MMP26: variants seen among roughly 807,000 people sequenced by gnomAD.
MMP26 encodes the protein matrix metallopeptidase 26.
Under a neutral mutation model 31.0 loss-of-function variants are expected in MMP26, and 33 were observed. The ratio of observed to expected loss-of-function variants is 1.06; its 90% confidence interval spans 0.81 to 1.42. MMP26 has a LOEUF of 1.42. Among genes scored for constraint, MMP26 ranks in the 40% most tolerant of loss-of-function variants. MMP26 has a pLI of 0.00. For synonymous variants in MMP26, 122 were observed against 114.9 expected, an observed-to-expected ratio of 1.06 and a Z score of -0.40; for missense variants, 347 against 316.1, an observed-to-expected ratio of 1.10 and a Z score of -0.74.
chr11:4,867,084 G>A (rs1850245394), intron 2 of MMP26, among the ~76,000 whole-genome samples: 1 of 151,932 alleles, frequency 6.6e-6, no homozygotes, highest in African/African-American at 2.4e-5. Context: ...CTGACCAATG[G>A]GAAATAATTA....
intron 2 of MMP26, among the ~76,000 whole-genome samples, chr11:4,796,136 G>C (rs1439112209): frequency 6.6e-6 from 1 of 152,176 alleles, no homozygotes; most frequent in Admixed American, 6.5e-5. Flanking sequence ...GGGAAAAGTA[G>C]AGCCTGTCTG....
At position 4,848,376 on chromosome 11, in the gene MMP26, T is replaced by C. The variant is rs138651833; in HGVS notation, c.-145+81035T>C. On this transcript the variant is annotated intron_variant, in intron 2 of 7. Transcript: ENST00000380390. ...GACATAGGATAGAAGAGTATGGGTA[T>C]GCTGAGTGATTGGCAGCTCAGGATG... is the stretch of plus-strand genomic sequence containing the variant. 6.9e-5 allele frequency: 112 copies of C among 1,613,992 alleles called. No individual in the cohort carries two copies. Among genetic ancestry groups the C allele is most frequent in the Admixed American group, 1.8e-4 (11 of 60,000 alleles).
At chr11:4,836,811 C>A (rs912926192) in intron 2 of MMP26, among the ~76,000 whole-genome samples, 26 of 151,468 alleles carry the variant, frequency 1.7e-4, no homozygotes, top group African/African-American at 6.1e-4. Context: ...AGGTGTGCAC[C>A]ACCATGCCCA....
intron 1 of MMP26, among the ~76,000 whole-genome samples, chr11:4,735,481 A>G (rs1392642940): frequency 6.6e-6 from 1 of 152,162 alleles, no homozygotes; most frequent in African/African-American, 2.4e-5. Context: ...CCCTTACCTT[A>G]TAGCTCAAAC....
intron 2 of MMP26, chr11:4,912,756 A>T (rs1851010440): frequency 6.6e-6 from 1 of 152,146 alleles, no homozygotes; most frequent in African/African-American, 2.4e-5. Flanking sequence ...CTCTTATTGT[A>T]ATTTTCCTTT....
intron 2 of MMP26, among the ~76,000 whole-genome samples, chr11:4,963,913 T>C (rs148606461): frequency 4.7e-4 from 71 of 152,312 alleles, no homozygotes; most frequent in African/African-American, 1.6e-3. Context: ...GTATGTCTTC[T>C]TTTGAGAAGT....
intron 2 of MMP26, among the ~76,000 whole-genome samples, chr11:4,842,002 T>G (rs1191542699): frequency 6.6e-6 from 1 of 152,150 alleles, no homozygotes; most frequent in Non-Finnish European, 1.5e-5. Flanking sequence ...AAGGTAGTAA[T>G]ACAAAAGTCA....
At chr11:4,962,142 C>T (rs1846530241) in intron 2 of MMP26, among the ~76,000 whole-genome samples, 2 of 152,198 alleles carry the variant, frequency 1.3e-5, no homozygotes, top group Non-Finnish European at 2.9e-5. Flanking sequence ...GTGGAAGCAG[C>T]GGCAACTCAG....
intron 2 of MMP26, among the ~76,000 whole-genome samples, chr11:4,850,812 G>A (rs928864747): frequency 2.0e-5 from 3 of 149,964 alleles, no homozygotes; most frequent in African/African-American, 7.4e-5. Flanking sequence ...GCAATAAATA[G>A]AAACAGACAT....
At chr11:4,742,796 G>A (rs893211376) in intron 1 of MMP26, among the ~76,000 whole-genome samples, 7 of 152,080 alleles carry the variant, frequency 4.6e-5, no homozygotes, top group Non-Finnish European at 4.4e-5. Flanking sequence ...TACTTTGCAA[G>A]GTAGTTGAAA....
At chr11:4,859,615 C>A (rs912127653) in intron 2 of MMP26, 1 of 436,110 alleles carries the variant, frequency 2.3e-6, no homozygotes, top group Non-Finnish European at 4.8e-6. Context: ...TTCTACTAGA[C>A]CCTATTTTTT....
intron 2 of MMP26, among the ~76,000 whole-genome samples, chr11:4,802,567 A>G (rs1849197924): frequency 6.6e-6 from 1 of 152,206 alleles, no homozygotes; most frequent in Non-Finnish European, 1.5e-5. Context: ...TCTTGTGATA[A>G]GTACTAGGTG....
chr11:4,803,647 G>C, intron 2 of MMP26: 1 of 1,613,888 alleles, frequency 6.2e-7, no homozygotes, highest in Non-Finnish European at 8.5e-7. Context: ...GATATGGGAG[G>C]AACGTGTGCT....
At chr11:4,945,024 A>T (rs1449203283) in intron 2 of MMP26, 2 of 152,268 alleles carry the variant, frequency 1.3e-5, no homozygotes, top group Middle Eastern at 3.4e-3. Flanking sequence ...GGTCTCTTCA[A>T]TCACTTATAG....
At chr11:4,768,120 G>C (rs1848655553) in intron 2 of MMP26, among the ~76,000 whole-genome samples, 1 of 152,098 alleles carries the variant, frequency 6.6e-6, no homozygotes, top group African/African-American at 2.4e-5. Context: ...TTTATCTATG[G>C]GGAAAGGTCC....
chr11:4,935,302 A>G (rs1377810209), intron 2 of MMP26, among the ~76,000 whole-genome samples: 1 of 151,410 alleles, frequency 6.6e-6, no homozygotes. Context: ...ATCCCTTGTA[A>G]GTTGGATTCC....
At chr11:4,788,027 T>C (rs1191037863) in intron 2 of MMP26, among the ~76,000 whole-genome samples, 1 of 152,190 alleles carries the variant, frequency 6.6e-6, no homozygotes, top group Admixed American at 6.5e-5. Flanking sequence ...AATCCCATGC[T>C]CTTCCTGGAT....
chr11:4,771,875 A>G (rs1294510206), intron 2 of MMP26, among the ~76,000 whole-genome samples: 1 of 148,248 alleles, frequency 6.7e-6, no homozygotes, highest in Non-Finnish European at 1.5e-5. Flanking sequence ...GCAAACCCTC[A>G]TGATATCTGA....
At chr11:4,711,527 T>C (rs1847862309) in intron 1 of MMP26, 2 of 152,202 alleles carry the variant, frequency 1.3e-5, no homozygotes, top group African/African-American at 4.8e-5. Flanking sequence ...AACAAAACTT[T>C]TTTAGTTCTT....
Sources: allele counts gnomAD v4.1 joint callset (sites outside exome capture counted in the v4.1 genomes callset), GRCh38; gene constraint gnomAD v4.1.1; transcripts MANE v1.5; gene names NCBI Gene and HGNC (gene_info 2026-07-23, HGNC 2026-07-21).